PEAK1: variants seen among roughly 807,000 people sequenced by gnomAD.
PEAK1 encodes inactive tyrosine-protein kinase PEAK1.
A neutral mutation model predicts 124.7 loss-of-function variants in PEAK1; 54 were observed. The observed-to-expected ratio is 0.43, with a 90% CI of 0.35 to 0.54. The LOEUF is 0.54. Ranked by LOEUF, PEAK1 falls within the 20% of genes least tolerant of loss-of-function variation. The pLI is 0.01. For missense variants in PEAK1, 2,046 were observed against 2,134.5 expected (o/e 0.96, Z 0.82); for synonymous variants, 719 against 760.0 (o/e 0.95, Z 0.89).
intron 1 of PEAK1, among the ~76,000 whole-genome samples, chr15:77,408,090 T>C (rs938553800): frequency 3.3e-5 from 5 of 150,214 alleles, no homozygotes; most frequent in East Asian, 1.9e-4. Context: ...TACACATATA[T>C]ACACACACAT....
At chr15:77,131,509 AAAC>A (rs2052858288) in intron 9 of PEAK1, among the ~76,000 whole-genome samples, 1 of 152,052 alleles carries the variant, frequency 6.6e-6, no homozygotes, top group Non-Finnish European at 1.5e-5. Context: ...AACAAAACAA[AAAC>A]AACAACAAAA....
intron 2 of PEAK1, among the ~76,000 whole-genome samples, chr15:77,358,341 C>T (rs1321445492): frequency 6.6e-6 from 1 of 152,152 alleles, no homozygotes; most frequent in Non-Finnish European, 1.5e-5. Flanking sequence ...GTAGTCTATA[C>T]TCTTTGATAG....
At chr15:77,116,503 AT>A (rs1479521711) in intron 9 of PEAK1, among the ~76,000 whole-genome samples, 1 of 152,152 alleles carries the variant, frequency 6.6e-6, no homozygotes, top group Non-Finnish European at 1.5e-5. Flanking sequence ...TCTTAGGAAG[AT>A]TCAGATAGGA....
chr15:77,255,249 T>TA, intron 5 of PEAK1: 1 of 582,848 alleles, frequency 1.7e-6, no homozygotes, highest in Non-Finnish European at 2.2e-6. Context: ...TTAAACCTAT[T>TA]AATTATTTAT....
rs936203256 is a variant in PEAK1 at position 77,402,391 on chromosome 15, T to A, written c.-666+17615A>T. ...CTCCTCTTTAAATGAGACCAATTAT[T>A]TCATTCAATCAACATATCACCCATT... On this transcript the variant is annotated intron_variant, in intron 1 of 9. Transcript: ENST00000682557. 3.0e-6 allele frequency: 3 copies of A among 985,370 alleles called. No homozygotes were observed. In the African/African-American group the frequency reaches 5.2e-5, roughly 17 times the overall value. The allele number at this position is 985,370 out of a possible 1,614,324, so 61.0% of individuals were successfully genotyped here.
At chr15:77,271,962 A>T (rs1039450346) in intron 5 of PEAK1, among the ~76,000 whole-genome samples, 1 of 152,202 alleles carries the variant, frequency 6.6e-6, no homozygotes, top group Non-Finnish European at 1.5e-5. Flanking sequence ...CTCCAAAAGG[A>T]ACCTTCAAAA....
At chr15:77,234,175 C>G (rs186548090) in intron 6 of PEAK1, among the ~76,000 whole-genome samples, 1 of 152,184 alleles carries the variant, frequency 6.6e-6, no homozygotes, top group African/African-American at 2.4e-5. Flanking sequence ...ACAGCATTCA[C>G]ATTTATTACT....
At chr15:77,416,253 G>A (rs1008262940) in intron 1 of PEAK1, among the ~76,000 whole-genome samples, 2 of 152,204 alleles carry the variant, frequency 1.3e-5, no homozygotes, top group African/African-American at 4.8e-5. Flanking sequence ...CAGATGGTTG[G>A]CTTCTCTTCA....
rs538165087 is a variant in PEAK1, at chr15:77,398,283, C to G, written c.-666+21723G>C. Among the ~76,000 whole-genome samples, 6 of 152,172 alleles carry G rather than the reference C, an allele frequency of 3.9e-5. No individual in the cohort carries two copies. The East Asian group carries it at 1.2e-3, about 29-fold the overall frequency. ...GGCCAGTATTACCTTGATACCAAAACCACACAAAGACACATTTAAAAAAAA... is the reference window on the plus strand; with the variant it reads ...GGCCAGTATTACCTTGATACCAAAAGCACACAAAGACACATTTAAAAAAAA... On this transcript the variant is annotated intron_variant, in intron 1 of 9. Coordinates refer to ENST00000682557, the MANE Select transcript of PEAK1 (RefSeq NM_001385026.1).
At chr15:77,323,570 G>A (rs897948231) in intron 2 of PEAK1, among the ~76,000 whole-genome samples, 10 of 152,112 alleles carry the variant, frequency 6.6e-5, no homozygotes, top group South Asian at 2.1e-4. Flanking sequence ...GGAATCCAAC[G>A]TACAAGGGAC....
chr15:77,146,718 A>AACT lies in PEAK1; in HGVS notation c.3331+11782_3331+11784dup, dbSNP rs201610957. 4.5e-4 allele frequency among the ~76,000 whole-genome samples: 69 copies of AACT among 152,340 alleles called. 1 individual carries two copies. The East Asian group carries it at 0.013, about 28-fold the overall frequency. ...TTTTTTAAGCATCTAAATGAGCTAAAACTGTGCAATTCTTTAGCCATTGGT... is the reference window on the plus strand; with the variant it reads ...TTTTTTAAGCATCTAAATGAGCTAAAACTACTGTGCAATTCTTTAGCCATTGGT... On this transcript the variant is annotated intron_variant, in intron 8 of 9. Coordinates refer to ENST00000682557, the MANE Select transcript of PEAK1 (RefSeq NM_001385026.1).
intron 8 of PEAK1, among the ~76,000 whole-genome samples, chr15:77,140,430 T>C (rs541770485): frequency 4.7e-4 from 71 of 152,298 alleles, no homozygotes; most frequent in Middle Eastern, 3.4e-3. Context: ...GCAAGGTTGG[T>C]TTAACATCTG....
intron 6 of PEAK1, among the ~76,000 whole-genome samples, chr15:77,230,864 C>A (rs561564464): frequency 1.3e-5 from 2 of 151,954 alleles, no homozygotes; most frequent in African/African-American, 4.8e-5. Flanking sequence ...AAAACCAAAC[C>A]AACCACAAAA....
intron 5 of PEAK1, among the ~76,000 whole-genome samples, chr15:77,280,274 G>A (rs990640558): frequency 1.3e-4 from 20 of 152,118 alleles, no homozygotes; most frequent in Non-Finnish European, 2.2e-4. Flanking sequence ...ACGGGAGGCG[G>A]AGGCTGCAGT....
chr15:77,162,575 A>G (rs1018835466), intron 7 of PEAK1, among the ~76,000 whole-genome samples: 2 of 149,962 alleles, frequency 1.3e-5, no homozygotes, highest in Non-Finnish European at 3.0e-5. Flanking sequence ...CTCAAATACT[A>G]AAGTGATACT....
At chr15:77,418,194 T>C in intron 1 of PEAK1, 1 of 985,412 alleles carries the variant, frequency 1.0e-6, no homozygotes, top group Non-Finnish European at 1.2e-6. Context: ...TTCAAAGTGA[T>C]CTTATCTTTT....
chr15:77,392,939 G>A (rs1004425168), intron 1 of PEAK1, among the ~76,000 whole-genome samples: 2 of 152,216 alleles, frequency 1.3e-5, no homozygotes, highest in Non-Finnish European at 2.9e-5. Flanking sequence ...GTGTGGCATG[G>A]AGAGGGAAGC....
At chr15:77,207,268 A>G (rs1420711177) in intron 6 of PEAK1, among the ~76,000 whole-genome samples, 3 of 152,254 alleles carry the variant, frequency 2.0e-5, no homozygotes, top group African/African-American at 7.2e-5. Flanking sequence ...ACTTTAAAAA[A>G]GAACTGCAAC....
chr15:77,217,775 GC>G (rs1330008473), intron 6 of PEAK1, among the ~76,000 whole-genome samples: 4 of 152,098 alleles, frequency 2.6e-5, no homozygotes, highest in Non-Finnish European at 5.9e-5. Flanking sequence ...ACTGGATGGA[GC>G]TTTTGTTAAT....
Sources: gnomAD v4.1 joint callset for allele counts (sites outside exome capture counted in the v4.1 genomes callset) on GRCh38, gnomAD v4.1.1 for gene constraint, MANE v1.5 for transcripts, NCBI Gene and HGNC (gene_info 2026-07-23, HGNC 2026-07-21) for gene names.